Variants in MED15 observed in about 807,000 individuals in gnomAD.
MED15 encodes mediator of RNA polymerase II transcription subunit 15.
In MED15, 41 loss-of-function variants were observed where a neutral mutation model predicts 118.7. That is an observed-to-expected ratio of 0.35 (90% CI 0.27 to 0.45). The LOEUF (loss-of-function observed/expected upper bound fraction) is 0.45, where lower values mean the gene tolerates loss of function less well. MED15 is among the 20% of genes least tolerant of loss of function. The pLI, the probability that MED15 is intolerant of heterozygous loss-of-function variation, is 1.00. For missense variants in MED15, 740 were observed against 1,025.5 expected (o/e 0.72, Z 3.80); for synonymous variants, 436 against 413.9 (o/e 1.05, Z -0.65).
In MED15 at chr22:20,564,529, A is replaced by ACAGCAGCAG. The variant is rs747865184; in HGVS notation, c.546_554dup (p.Gln186_Gln188dup). ...TCCAGCAGCAGCAGCAGGCGGCGCT[A>ACAGCAGCAG]CAGCAGCAGCAGCAGCAGCAGCAAC... On this transcript the variant is annotated inframe_insertion, in exon 6 of 18. Coordinates refer to ENST00000263205, the MANE Select transcript of MED15 (RefSeq NM_001003891.3). The ACAGCAGCAG allele has an allele frequency of 3.1e-6, 5 of 1,592,890 alleles. No homozygotes were observed. Among genetic ancestry groups the ACAGCAGCAG allele is most frequent in the South Asian group, 1.1e-5 (1 of 90,382 alleles).
At chr22:20,556,734 C>G (rs1206996988) in intron 5 of MED15, among the ~76,000 whole-genome samples, 2 of 152,200 alleles carry the variant, frequency 1.3e-5, no homozygotes, top group Non-Finnish European at 1.5e-5. Context: ...TACCACCAAC[C>G]AACTCTCTTG....
chr22:20,531,849 A>G (rs1045144883), intron 1 of MED15, among the ~76,000 whole-genome samples: 1 of 152,244 alleles, frequency 6.6e-6, no homozygotes, highest in Non-Finnish European at 1.5e-5. Flanking sequence ...AGGTGGCTAC[A>G]GGGTTTCTGT....
intron 2 of MED15, among the ~76,000 whole-genome samples, chr22:20,544,387 C>T (rs376059698): frequency 2.0e-5 from 3 of 152,142 alleles, no homozygotes; most frequent in South Asian, 2.1e-4. Context: ...AAATTTAGGC[C>T]GGGTGCGGTG....
intron 9 of MED15, among the ~76,000 whole-genome samples, chr22:20,581,715 A>G (rs529619165): frequency 6.7e-4 from 102 of 152,256 alleles, no homozygotes; most frequent in Non-Finnish European, 1.0e-3. Context: ...CACCCCAGGA[A>G]GGTGTGGGTG....
intron 1 of MED15, among the ~76,000 whole-genome samples, chr22:20,525,530 CTTTTTTT>C (rs753248152): frequency 0.12 from 13,907 of 113,236 alleles, 934 homozygotes; most frequent in Non-Finnish European, 0.16. Context: ...TGACCTTTCT[CTTTTTTT>C]TTTTTTTTTT....
intron 8 of MED15, among the ~76,000 whole-genome samples, chr22:20,569,572 G>A (rs948682621): frequency 1.4e-4 from 22 of 152,216 alleles, no homozygotes; most frequent in African/African-American, 5.3e-4. Flanking sequence ...CTCACGCTTG[G>A]GGGGTGCTCA....
At chr22:20,552,961 C>G in intron 3 of MED15, 184 bp from the exon 4 acceptor site, 1 of 587,686 alleles carries the variant, frequency 1.7e-6, no homozygotes, top group Admixed American at 3.2e-5. Context: ...ACCCTCTGCC[C>G]CCAGGTCTCT....
At chr22:20,584,286 C>T (rs762682634) in intron 13 of MED15, 73 bp from the exon 14 acceptor site, 10 of 1,467,864 alleles carry the variant, frequency 6.8e-6, no homozygotes, top group Non-Finnish European at 9.5e-6. Flanking sequence ...GGCCCAGTGG[C>T]AGTAGTTGGG....
Position 20,586,753 on chromosome 22 carries a change from G to A in MED15, c.*49G>A, listed in dbSNP as rs752991978. 21 of 1,602,404 alleles carry A rather than the reference G, an allele frequency of 1.3e-5. No homozygotes were observed. Among genetic ancestry groups the A allele is most frequent in the Middle Eastern group, 2.0e-4 (1 of 4,882 alleles). On this transcript the variant is annotated 3_prime_UTR_variant, in exon 18 of 18. Transcript: ENST00000263205. Reference sequence around the variant, plus strand: ...AGCCTCATCGGGGCCAAGGACACACGCCTCCTGTCAGACACTTCTAGGTGT... The same window carrying A: ...AGCCTCATCGGGGCCAAGGACACACACCTCCTGTCAGACACTTCTAGGTGT...
chr22:20,554,996 G>T lies in MED15; in HGVS notation c.299G>T (p.Gly100Val). The T allele has an allele frequency of 6.2e-7, 1 of 1,611,786 alleles. No individual in the cohort carries two copies. ...GGPAAGAAGIGMPPRGPGQSL... is the reference protein window; with the variant it reads ...GGPAAGAAGIVMPPRGPGQSL... ...CCTGCTGCGGGAGCCGCTGGAATTGGCATGCCTCCTCGGGGCCCGGGACAG... is the reference window on the plus strand; with the variant it reads ...CCTGCTGCGGGAGCCGCTGGAATTGTCATGCCTCCTCGGGGCCCGGGACAG... The change falls in exon 5 of 18, where the codon GGC becomes GTC. Residue 100 changes from glycine to valine, a missense_variant. By Grantham distance (109) the Gly-to-Val change is moderately radical (BLOSUM62 -3). Transcript: ENST00000263205.
intron 1 of MED15, among the ~76,000 whole-genome samples, chr22:20,531,113 G>A (rs948606135): frequency 4.6e-5 from 7 of 152,318 alleles, no homozygotes; most frequent in Admixed American, 2.6e-4. Context: ...AGGGCAGACC[G>A]GGGCAGCTTG....
chr22:20,564,264 C>T (rs1303462076), intron 5 of MED15, among the ~76,000 whole-genome samples, 186 bp from the exon 6 acceptor site: 1 of 152,150 alleles, frequency 6.6e-6, no homozygotes, highest in Admixed American at 6.5e-5. Context: ...GATAGGAAAT[C>T]CCAAAATCAA....
At chr22:20,572,708 C>G (rs2056702519) in intron 8 of MED15, among the ~76,000 whole-genome samples, 1 of 152,122 alleles carries the variant, frequency 6.6e-6, no homozygotes, top group Non-Finnish European at 1.5e-5. Context: ...CACTTGAGAC[C>G]AGGAGTTCAA....
At chr22:20,551,276 C>A in intron 2 of MED15, 160 bp from the exon 3 acceptor site, 1 of 775,934 alleles carries the variant, frequency 1.3e-6, no homozygotes, top group South Asian at 1.4e-5. Flanking sequence ...TGACGGCTCT[C>A]TTCCGAGAGG....
intron 1 of MED15, among the ~76,000 whole-genome samples, chr22:20,523,297 G>A (rs74548973): frequency 0.024 from 3,616 of 152,026 alleles, 155 homozygotes; most frequent in African/African-American, 0.082. Flanking sequence ...GTTCACATGA[G>A]GTGTGGATCA....
intron 3 of MED15, among the ~76,000 whole-genome samples, chr22:20,552,263 G>A (rs868769211): frequency 1.3e-5 from 2 of 152,230 alleles, no homozygotes; most frequent in South Asian, 2.1e-4. Flanking sequence ...TGGAGCATGT[G>A]CCTGGCGAGT....
At chr22:20,513,436 T>A (rs2146339581) in intron 1 of MED15, among the ~76,000 whole-genome samples, 1 of 151,338 alleles carries the variant, frequency 6.6e-6, no homozygotes, top group African/African-American at 2.4e-5. Flanking sequence ...CCGCCACCAC[T>A]CCTGGCTAAT....
intron 7 of MED15, among the ~76,000 whole-genome samples, chr22:20,567,370 G>A (rs958640578): frequency 2.6e-5 from 4 of 152,214 alleles, no homozygotes; most frequent in Non-Finnish European, 5.9e-5. Flanking sequence ...AGGCACAGAG[G>A]ACAGAGTATG....
chr22:20,534,389 G>A (rs1393628542), intron 1 of MED15, among the ~76,000 whole-genome samples: 2 of 152,138 alleles, frequency 1.3e-5, no homozygotes, highest in African/African-American at 4.8e-5. Context: ...GCCAGGCGTG[G>A]TGGCGCATGC....
Sources: gnomAD v4.1 joint callset for allele counts (sites outside exome capture counted in the v4.1 genomes callset) on GRCh38, gnomAD v4.1.1 for gene constraint, MANE v1.5 for transcripts, NCBI Gene and HGNC (gene_info 2026-07-23, HGNC 2026-07-21) for gene names.